ABHD5: variants seen among roughly 807,000 people sequenced by gnomAD.
The protein encoded by ABHD5 is 1-acylglycerol-3-phosphate O-acyltransferase ABHD5.
ABHD5 carries 30 observed loss-of-function variants against 44.9 expected under a neutral mutation model. The ratio of observed to expected loss-of-function variants is 0.67; its 90% CI spans 0.50 to 0.91. ABHD5 has a LOEUF of 0.91. Ranked by LOEUF, ABHD5 falls within the 40% of genes least tolerant of loss-of-function variation. ABHD5 has a pLI of 0.00. For synonymous variants in ABHD5, 167 were observed against 147.0 expected (o/e 1.14, Z -0.99); for missense variants, 399 against 423.4 (o/e 0.94, Z 0.50).
rs747658452 is a variant in ABHD5, at chr3:43,715,052, C to T, written c.767C>T (p.Thr256Ile). ...TACATCTACCACTGTAATGTGCAGA[C>T]TCCAAGGTGAGGGTTAGGATTCTCA... ...TEYIYHCNVQ[T>I]PSGETAFKNM... Residue 256 changes from threonine to isoleucine, a missense_variant, in exon 5 of 7, where the codon ACT becomes ATT. Thr to Ile is a moderately conservative substitution (Grantham distance 89). Transcript: ENST00000644371. 7.5e-6 allele frequency: 12 copies of T among 1,607,752 alleles called. No homozygotes were observed. The South Asian group carries it at 1.2e-4, about 16-fold the overall frequency.
At chr3:43,691,214 C>T in intron 1 of ABHD5, 175 bp downstream of exon 1, 1 of 552,596 alleles carries the variant, frequency 1.8e-6, no homozygotes, top group Non-Finnish European at 2.8e-6. Flanking sequence ...CCCGGCGCCG[C>T]TCTGCCTGGG....
chr3:43,717,748 T>A lies in ABHD5; in HGVS notation c.851T>A (p.Met284Lys), dbSNP rs763521549. ...CCAATGCTCCAGCGAATTGGTAAAA[T>A]GCACCCTGACATTCCAGTTTCAGTG... ...KRPMLQRIGK[M>K]HPDIPVSVIF... The change falls in exon 6 of 7, where the codon ATG (methionine) becomes AAG (lysine). Residue 284 changes from methionine (M) to lysine (K), a missense_variant. Met to Lys is a moderately conservative substitution (Grantham distance 95, BLOSUM62 -1). Coordinates refer to ENST00000644371, the MANE Select transcript of ABHD5 (RefSeq NM_016006.6). 1.2e-6 allele frequency: 2 copies of A among 1,614,090 alleles called. No homozygotes were observed. Among genetic ancestry groups the A allele is most frequent in the East Asian group, 4.5e-5 (2 of 44,890 alleles).
chr3:43,698,814 A>G (rs1385277294), intron 1 of ABHD5, among the ~76,000 whole-genome samples: 1 of 152,224 alleles, frequency 6.6e-6, no homozygotes, highest in African/African-American at 2.4e-5. Context: ...TCCCCAAAAA[A>G]TGGTCGATCT....
At chr3:43,718,214 T>G (rs2084791691) in intron 6 of ABHD5, among the ~76,000 whole-genome samples, 1 of 152,224 alleles carries the variant, frequency 6.6e-6, no homozygotes, top group Non-Finnish European at 1.5e-5. Flanking sequence ...GTCAATTTAG[T>G]GTTTTTTGCA....
chr3:43,707,095 C>A (rs1166627230), intron 3 of ABHD5, among the ~76,000 whole-genome samples: 2 of 152,208 alleles, frequency 1.3e-5, no homozygotes. Flanking sequence ...GCGTGAGCCA[C>A]TGCACCTGGC....
chr3:43,709,300 A>G (rs1031811793), intron 3 of ABHD5, among the ~76,000 whole-genome samples: 2 of 152,026 alleles, frequency 1.3e-5, no homozygotes, highest in Non-Finnish European at 2.9e-5. Context: ...CTCCTTTTCA[A>G]AAAGAAACAA....
At position 43,721,336 on chromosome 3, in the gene ABHD5, A is replaced by G. The variant is rs1381162325; in HGVS notation, c.*2804A>G. 6.6e-6 allele frequency: 1 copy of G among 152,194 alleles called. No homozygotes were observed. Among genetic ancestry groups the G allele is most frequent in the Non-Finnish European group, 1.5e-5 (1 of 68,034 alleles). The allele number at this position is 152,194 out of a possible 1,614,324, so 9.4% of individuals were successfully genotyped here. A position where few individuals can be genotyped will look rare whatever the true frequency, so the allele number is the denominator to read the frequency against. On this transcript the variant is annotated 3_prime_UTR_variant, in exon 7 of 7. Transcript: ENST00000644371. ...ATTTTTAAAATGAAACCCTCTTTCT[A>G]ACTAGAAGAAAACATAGATGAATTA...
At chr3:43,693,100 G>GAATT (rs2084421478) in intron 1 of ABHD5, among the ~76,000 whole-genome samples, 1 of 152,210 alleles carries the variant, frequency 6.6e-6, no homozygotes, top group Non-Finnish European at 1.5e-5. Flanking sequence ...AGACTTCTGT[G>GAATT]AATTGCTTTA....
At chr3:43,715,776 G>T (rs1264559193) in intron 5 of ABHD5, among the ~76,000 whole-genome samples, 1 of 152,116 alleles carries the variant, frequency 6.6e-6, no homozygotes, top group Non-Finnish European at 1.5e-5. Flanking sequence ...AAAGAAAAAA[G>T]GGTGCTGGAT....
At chr3:43,715,782 T>C in intron 5 of ABHD5, among the ~76,000 whole-genome samples, 1 of 152,182 alleles carries the variant, frequency 6.6e-6, no homozygotes, top group Non-Finnish European at 1.5e-5. Flanking sequence ...AAAAGGGTGC[T>C]GGATTAAACA....
intron 1 of ABHD5, among the ~76,000 whole-genome samples, chr3:43,697,542 C>A (rs1326639091): frequency 6.6e-6 from 1 of 152,004 alleles, no homozygotes; most frequent in Non-Finnish European, 1.5e-5. Context: ...ATCATGAGTT[C>A]TTTTATTTTA....
At chr3:43,725,646 C>T (rs1365184463), downstream of ABHD5, among the ~76,000 whole-genome samples, 1 of 152,134 alleles carries the variant, frequency 6.6e-6, no homozygotes, top group Non-Finnish European at 1.5e-5. Flanking sequence ...CAAGAGGGGT[C>T]ACTTGGCTAA....
intron 3 of ABHD5, among the ~76,000 whole-genome samples, chr3:43,708,829 C>A (rs576659970): frequency 6.6e-6 from 1 of 152,080 alleles, no homozygotes. Context: ...TAGAAAAATA[C>A]AATTGTATCA....
At position 43,718,526 on chromosome 3, in the gene ABHD5, G is replaced by A. The variant is rs745934285; in HGVS notation, c.1044G>A (p.Val348=). The change falls in exon 7 of 7, where the codon GTG becomes GTA. Residue 348 remains valine (V), a synonymous_variant. Coordinates refer to ENST00000644371, the MANE Select transcript of ABHD5 (RefSeq NM_016006.6). ...NQKVKEICDT[V]D Reference sequence around the variant, plus strand: ...AAGTAAAGGAGATCTGCGACACTGTGGACTGAACACACTGAAGCTCTGATG... The same window carrying A: ...AAGTAAAGGAGATCTGCGACACTGTAGACTGAACACACTGAAGCTCTGATG... 1.9e-6 allele frequency: 3 copies of A among 1,613,822 alleles called. No homozygotes were observed. Among genetic ancestry groups the A allele is most frequent in the Non-Finnish European group, 2.5e-6 (3 of 1,179,870 alleles).
chr3:43,693,328 T>C (rs937985429), intron 1 of ABHD5, among the ~76,000 whole-genome samples: 1 of 152,180 alleles, frequency 6.6e-6, no homozygotes. Context: ...AATCATCAAA[T>C]GCTATAAATA....
At chr3:43,696,344 G>A (rs534240885) in intron 1 of ABHD5, among the ~76,000 whole-genome samples, 1 of 152,192 alleles carries the variant, frequency 6.6e-6, no homozygotes, top group African/African-American at 2.4e-5. Context: ...TAGGTGGGCT[G>A]TGTGAATTTA....
At chr3:43,732,929 G>A (rs1697261436) in intron 7 of ABHD5, among the ~76,000 whole-genome samples, 2 of 152,168 alleles carry the variant, frequency 1.3e-5, no homozygotes, top group Non-Finnish European at 2.9e-5. Context: ...GATGGATTGA[G>A]GGCCGTAGTT....
chr3:43,709,304 GAAAC>G (rs974526604), intron 3 of ABHD5, among the ~76,000 whole-genome samples: 4 of 151,932 alleles, frequency 2.6e-5, no homozygotes, highest in Non-Finnish European at 5.9e-5. Context: ...TTTTCAAAAA[GAAAC>G]AAAAAGATCA....
chr3:43,729,400 A>G (rs1044191616), intron 7 of ABHD5, among the ~76,000 whole-genome samples: 3 of 152,168 alleles, frequency 2.0e-5, no homozygotes, highest in Admixed American at 1.3e-4. Context: ...AGTAACACGC[A>G]TTTATGGGGA....
Sources: allele counts gnomAD v4.1 joint callset (sites outside exome capture counted in the v4.1 genomes callset), GRCh38; gene constraint gnomAD v4.1.1; transcripts MANE v1.5; gene names NCBI Gene and HGNC (gene_info 2026-07-23, HGNC 2026-07-21).